Variants in RAC2 observed in about 807,000 individuals in gnomAD.
RAC2 encodes Rac family small GTPase 2, also known as ras-related C3 botulinum toxin substrate 2.
Under a neutral mutation model 24.0 loss-of-function variants are expected in RAC2, and 1 was observed. The observed-to-expected ratio is 0.04, with a 90% CI of 0.01 to 0.20. The LOEUF (loss-of-function observed/expected upper bound fraction) is 0.20. Ranked by LOEUF, RAC2 falls within the 10% of genes least tolerant of loss-of-function variation. The pLI is 1.00. For synonymous variants in RAC2, 114 were observed against 106.8 expected (o/e 1.07, Z -0.41); for missense variants, 130 against 259.1 (o/e 0.50, Z 3.42).
chr22:37,235,198 C>A lies in RAC2; in HGVS notation c.108-2280G>T, dbSNP rs562293440. Among the ~76,000 whole-genome samples the A allele has an allele frequency of 9.9e-5, 15 of 152,138 alleles. No individual in the cohort carries two copies. In the East Asian group the frequency reaches 2.9e-3, roughly 29 times the overall value. ...AAAGACACCTCTCCTGAGAGGAGTC[C>A]CCCACACCCCCAAAAAGTGGGCAGC... On this transcript the variant is annotated intron_variant, in intron 2 of 6. Coordinates refer to ENST00000249071, the MANE Select transcript of RAC2 (RefSeq NM_002872.5).
intron 2 of RAC2, among the ~76,000 whole-genome samples, chr22:37,237,521 G>A (rs56132943): frequency 0.01 from 1,554 of 152,238 alleles, 24 homozygotes; most frequent in African/African-American, 0.035. Flanking sequence ...CGAGAGGCCA[G>A]GCAGAACCTG....
chr22:37,241,563 CCCCACATAT>C lies in RAC2; in HGVS notation c.107+15_107+23del. ...GACGGTCTCTCCCCTCCTCCCACCA[CCCCACATAT>C]CCCCAGGAACTCACACGGTGGGGAT... is the stretch of plus-strand genomic sequence containing the variant. On this transcript the variant is annotated intron_variant, in intron 2 of 6. Transcript: ENST00000249071. 6.2e-7 allele frequency: 1 copy of C among 1,602,878 alleles called. No homozygotes were observed. Among genetic ancestry groups the C allele is most frequent in the South Asian group, 1.1e-5 (1 of 90,784 alleles).
At chr22:37,232,547 CAG>C in intron 3 of RAC2, 1 of 535,536 alleles carries the variant, frequency 1.9e-6, no homozygotes, top group Non-Finnish European at 3.4e-6. Flanking sequence ...CCACTGGAAA[CAG>C]GGGGTGCCAG....
intron 1 of RAC2, among the ~76,000 whole-genome samples, chr22:37,241,901 C>T (rs1043435967): frequency 5.3e-5 from 8 of 152,184 alleles, no homozygotes; most frequent in Admixed American, 6.5e-5. Context: ...CACAGGTGTG[C>T]GCAGAGCTGG....
intron 2 of RAC2, among the ~76,000 whole-genome samples, chr22:37,233,150 A>G (rs1347996346): frequency 6.6e-6 from 1 of 152,204 alleles, no homozygotes; most frequent in Non-Finnish European, 1.5e-5. Context: ...TTGTCTCTTA[A>G]TCCTTTTCCT....
chr22:37,241,560 C>T, intron 2 of RAC2, 27 bp downstream of exon 2: 1 of 1,601,524 alleles, frequency 6.2e-7, no homozygotes, highest in Middle Eastern at 1.7e-4. Flanking sequence ...CCTCCTCCCA[C>T]CACCCCACAT....
intron 3 of RAC2, chr22:37,232,446 G>A: frequency 2.3e-6 from 1 of 436,288 alleles, no homozygotes; most frequent in Non-Finnish European, 4.3e-6. Context: ...GCCACCTGCA[G>A]GCATCCTCCA....
In RAC2 at chr22:37,231,544, G is replaced by T. The variant is rs533256516; in HGVS notation, c.289-154C>A. 1.0e-5 allele frequency: 7 copies of T among 697,228 alleles called. No individual in the cohort carries two copies. The highest frequency in any genetic ancestry group is 3.6e-5 in the African/African-American group (2 of 56,098). 43.2% of individuals were successfully genotyped at this position (697,228 alleles called of 1,614,324 possible). ...GGCACGACGGTGAGGAGAGAGAGAC[G>T]TGAGGTGGCACAGGGAGGGGAGGCC... On this transcript the variant is annotated intron_variant, in intron 4 of 6. Coordinates refer to ENST00000249071, the MANE Select transcript of RAC2 (RefSeq NM_002872.5). This position sits in a 1 kb window ranked among gnomAD's most constrained non-coding sequence, Gnocchi z 5.5.
At chr22:37,236,152 T>A (rs1339494315) in intron 2 of RAC2, among the ~76,000 whole-genome samples, 1 of 152,146 alleles carries the variant, frequency 6.6e-6, no homozygotes, top group East Asian at 1.9e-4. Flanking sequence ...AAATACCTAT[T>A]TCTTGGAGCC....
intron 2 of RAC2, among the ~76,000 whole-genome samples, chr22:37,233,529 C>T (rs528321555): frequency 1.2e-4 from 19 of 152,266 alleles, no homozygotes; most frequent in East Asian, 9.6e-4. Context: ...GTGATCCGCC[C>T]GCCTCGGCCT....
chr22:37,239,130 A>T (rs1927319058), intron 2 of RAC2, among the ~76,000 whole-genome samples: 1 of 152,102 alleles, frequency 6.6e-6, no homozygotes, highest in South Asian at 2.1e-4. Flanking sequence ...CTCCCTTCAC[A>T]GGGGCACAGG....
Position 37,238,972 on chromosome 22 carries a change from A to G in RAC2, c.107+2615T>C, listed in dbSNP as rs1927315769. Among the ~76,000 whole-genome samples the G allele has an allele frequency of 2.0e-5, 3 of 152,252 alleles. No homozygotes were observed. The South Asian group carries it at 6.2e-4, about 32-fold the overall frequency. On this transcript the variant is annotated intron_variant, in intron 2 of 6. Transcript: ENST00000249071. ...TTGTATCTGCAGCAGGGGCCTCCCC[A>G]ACCCCCAGCAAACCTACCATCCTCA...
chr22:37,230,158 T>C (rs1267991577), intron 5 of RAC2, among the ~76,000 whole-genome samples: 1 of 151,580 alleles, frequency 6.6e-6, no homozygotes, highest in African/African-American at 2.4e-5. Flanking sequence ...CCGGGGAAGA[T>C]GGCTGTGTCA....
intron 2 of RAC2, 22 bp downstream of exon 2, chr22:37,241,565 C>A: frequency 1.2e-6 from 2 of 1,604,792 alleles, no homozygotes; most frequent in Non-Finnish European, 1.7e-6. Flanking sequence ...TCCCACCACC[C>A]CACATATCCC....
intron 2 of RAC2, among the ~76,000 whole-genome samples, chr22:37,237,377 C>G (rs1040654588): frequency 6.6e-6 from 1 of 151,958 alleles, no homozygotes; most frequent in African/African-American, 2.4e-5. Context: ...GGAGGTGTCA[C>G]GGGGCAGGGA....
At chr22:37,234,515 G>A (rs1927166659) in intron 2 of RAC2, among the ~76,000 whole-genome samples, 1 of 152,152 alleles carries the variant, frequency 6.6e-6, no homozygotes, top group South Asian at 2.1e-4. Context: ...CTGCCCCTGA[G>A]GGTTAGGGAA....
In RAC2 at chr22:37,231,223, G is replaced by A. The variant is rs961869873; in HGVS notation, c.448+8C>T. 2.5e-6 allele frequency: 4 copies of A among 1,612,874 alleles called. No individual in the cohort carries two copies. Among genetic ancestry groups the A allele is most frequent in the African/African-American group, 2.7e-5 (2 of 74,856 alleles). On this transcript the variant is annotated splice_region_variant and intron_variant, in intron 5 of 6. Transcript: ENST00000249071. The surrounding 1 kb of genome is among the most constrained non-coding windows in gnomAD (Gnocchi z 5.5). ...GCCAGATCGCCCCTCTGAGCCCGAGGCCCATACCAATCTCCTTGGCCAGTG... is the reference window on the plus strand; with the variant it reads ...GCCAGATCGCCCCTCTGAGCCCGAGACCCATACCAATCTCCTTGGCCAGTG...
At position 37,232,926 on chromosome 22, in the gene RAC2, G is replaced by A; in HGVS notation, c.108-8C>T. The A allele has an allele frequency of 6.2e-7, 1 of 1,604,496 alleles. No homozygotes were observed. The highest frequency in any genetic ancestry group is 8.5e-7 in the Non-Finnish European group (1 of 1,171,398). On this transcript the variant is annotated splice_region_variant and splice_polypyrimidine_tract_variant and intron_variant, in intron 2 of 6. Coordinates refer to ENST00000249071, the MANE Select transcript of RAC2 (RefSeq NM_002872.5). ...GCTGAATAGTTGTCAAACCTGTGGG[G>A]AGCAGGCAAGGCGGAGGTAAGGTCA...
chr22:37,241,278 C>A, intron 2 of RAC2: 1 of 687,734 alleles, frequency 1.5e-6, no homozygotes, highest in Non-Finnish European at 2.7e-6. Flanking sequence ...CGCAGAAGCT[C>A]CTCTCCCAGC....
Sources: gnomAD v4.1 joint callset for allele counts (sites outside exome capture counted in the v4.1 genomes callset) on GRCh38, gnomAD v4.1.1 for gene constraint, Gnocchi (gnomAD v3.1) non-coding constraint, MANE v1.5 for transcripts, NCBI Gene and HGNC (gene_info 2026-07-23, HGNC 2026-07-21) for gene names.